Variants in EXTL3 observed in about 807,000 individuals in gnomAD.
EXTL3 encodes exostosin like glycosyltransferase 3.
EXTL3 carries 27 observed loss-of-function variants against 69.3 expected under a neutral mutation model. The observed-to-expected ratio is 0.39, with a 90% CI of 0.29 to 0.54. The LOEUF (loss-of-function observed/expected upper bound fraction) is 0.54, where lower values mean the gene tolerates loss of function less well. Ranked by LOEUF, EXTL3 falls within the 20% of genes least tolerant of loss-of-function variation. The probability of loss-of-function intolerance (pLI) is 0.69; values close to 1 mark genes in which losing one functional copy is unlikely to be tolerated. For missense variants in EXTL3, 1,003 were observed against 1,231.8 expected (o/e 0.81, Z 2.78); for synonymous variants, 511 against 499.4 (o/e 1.02, Z -0.31).
intron 1 of EXTL3, among the ~76,000 whole-genome samples, chr8:28,710,968 A>G (rs1373229997): frequency 6.6e-6 from 1 of 152,120 alleles, no homozygotes; most frequent in Non-Finnish European, 1.5e-5. Flanking sequence ...TTTTCTTTAA[A>G]TGTTCAGTAG....
At chr8:28,649,674 T>C (rs962709592) in intron 1 of EXTL3, among the ~76,000 whole-genome samples, 4 of 152,230 alleles carry the variant, frequency 2.6e-5, no homozygotes, top group African/African-American at 9.6e-5. Flanking sequence ...CTTGTTTGTT[T>C]CCTTACTTTG....
chr8:28,638,435 C>T (rs1194233743), intron 1 of EXTL3, among the ~76,000 whole-genome samples: 1 of 152,194 alleles, frequency 6.6e-6, no homozygotes, highest in Non-Finnish European at 1.5e-5. Flanking sequence ...GTAAGGTCGT[C>T]ATGCTCAGCC....
intron 1 of EXTL3, among the ~76,000 whole-genome samples, chr8:28,642,553 G>A (rs535630302): frequency 6.6e-6 from 1 of 152,182 alleles, no homozygotes; most frequent in Admixed American, 6.6e-5. Flanking sequence ...AGGAGTTCGA[G>A]GCTGCAGTGA....
chr8:28,655,378 C>G (rs1806991781), intron 1 of EXTL3, among the ~76,000 whole-genome samples: 1 of 152,142 alleles, frequency 6.6e-6, no homozygotes, highest in Admixed American at 6.5e-5. Context: ...CCATGGTCAT[C>G]CATAGAGTAA....
intron 5 of EXTL3, chr8:28,741,413 A>G (rs1300020947): frequency 6.6e-6 from 1 of 152,172 alleles, no homozygotes; most frequent in African/African-American, 2.4e-5. Context: ...ATAAATTTGA[A>G]TTACCTTTTT....
At chr8:28,702,483 G>A (rs534316132) in intron 1 of EXTL3, among the ~76,000 whole-genome samples, 24 of 152,328 alleles carry the variant, frequency 1.6e-4, no homozygotes, top group South Asian at 6.2e-4. Flanking sequence ...CACATTGAGC[G>A]AGAGCTTCGG....
At chr8:28,641,314 C>CA (rs1491106719) in intron 1 of EXTL3, among the ~76,000 whole-genome samples, 9 of 152,254 alleles carry the variant, frequency 5.9e-5, no homozygotes, top group African/African-American at 1.7e-4. Context: ...TTACAGGACT[C>CA]ACTGTTAACT....
intron 1 of EXTL3, among the ~76,000 whole-genome samples, chr8:28,638,208 A>G (rs1224031105): frequency 6.6e-6 from 1 of 152,132 alleles, no homozygotes; most frequent in Non-Finnish European, 1.5e-5. Context: ...ACCCAAACTC[A>G]TGGTTTTGTT....
intron 1 of EXTL3, among the ~76,000 whole-genome samples, chr8:28,679,530 G>A (rs1807444849): frequency 6.6e-6 from 1 of 152,038 alleles, no homozygotes; most frequent in Non-Finnish European, 1.5e-5. Flanking sequence ...TTGAGGGCAG[G>A]CATTCAAGAG....
rs1807524884 is a variant in EXTL3, at chr8:28,683,456, C to T, written c.-52-30001C>T. Among the ~76,000 whole-genome samples, 3 of 152,122 alleles carry T rather than the reference C, an allele frequency of 2.0e-5. No homozygotes were observed. The East Asian group carries it at 5.8e-4, about 29-fold the overall frequency. ...TTGGGGGGATATCTGTCACCTCAAA[C>T]ATTTATCCTTTATGTTTCAAACAAT... On this transcript the variant is annotated intron_variant, in intron 1 of 6. Coordinates refer to the EXTL3 transcript ENST00000523149.
rs375321534 is a variant in EXTL3, at chr8:28,744,610, C to T, written c.2550+1396C>T. ...GAGCTCAAGACCATCCTGGCTAACA[C>T]GGTGAAACCTTGTCTCTACTAAAAA... On this transcript the variant is annotated intron_variant, in intron 6 of 6. Coordinates refer to ENST00000220562, the MANE Select transcript of EXTL3 (RefSeq NM_001440.4). Among the ~76,000 whole-genome samples, 7 of 152,244 alleles carry T rather than the reference C, an allele frequency of 4.6e-5. No homozygotes were observed. The South Asian group carries it at 6.2e-4, about 14-fold the overall frequency.
intron 1 of EXTL3, among the ~76,000 whole-genome samples, chr8:28,645,514 T>C (rs1489941314): frequency 6.6e-6 from 1 of 152,206 alleles, no homozygotes; most frequent in Non-Finnish European, 1.5e-5. Flanking sequence ...CATCCTATTT[T>C]TGTAAAAGAC....
rs147122116 is a variant in EXTL3, at chr8:28,609,811, G to T, written n.314+2053G>T. Among the ~76,000 whole-genome samples the T allele has an allele frequency of 1.4e-3, 215 of 151,448 alleles. 4 individuals carry two copies. Among genetic ancestry groups the T allele is most frequent in the African/African-American group, 4.7e-3 (195 of 41,232 alleles). On this transcript the variant is annotated intron_variant and non_coding_transcript_variant, in intron 2 of 4. Transcript: ENST00000522725. ...AGGTTGAGGTGGGAGGTTCGCTTGA[G>T]CCCAGGAGATTGAGGCTGCAGTGAG...
intron 1 of EXTL3, among the ~76,000 whole-genome samples, chr8:28,643,490 C>T (rs542046515): frequency 2.6e-4 from 39 of 148,592 alleles, no homozygotes; most frequent in Admixed American, 6.8e-4. Context: ...TCTTGGCTCA[C>T]TGCAAGCTCT....
In EXTL3 at chr8:28,751,423, T is replaced by G. The variant is rs1003299835; in HGVS notation, c.*557T>G. On this transcript the variant is annotated 3_prime_UTR_variant, in exon 7 of 7. Transcript: ENST00000220562. Reference sequence around the variant, plus strand: ...CACTGGCTTATCCTTAAAGATCATCTCCCATCCTCCCCAGCGCCATCTGTG... The same window carrying G: ...CACTGGCTTATCCTTAAAGATCATCGCCCATCCTCCCCAGCGCCATCTGTG... 6.4e-6 allele frequency: 1 copy of G among 155,854 alleles called. No homozygotes were observed. Among genetic ancestry groups the G allele is most frequent in the African/African-American group, 2.4e-5 (1 of 41,422 alleles). The allele number at this position is 155,854 out of a possible 1,614,324, so 9.7% of individuals were successfully genotyped here.
At chr8:28,746,276 T>C (rs577870379) in intron 6 of EXTL3, among the ~76,000 whole-genome samples, 2 of 152,324 alleles carry the variant, frequency 1.3e-5, no homozygotes, top group African/African-American at 4.8e-5. Context: ...ATTATTTCTT[T>C]GAATAATGTA....
rs1300326318 is a variant in EXTL3, at chr8:28,739,340, A to AT, written c.2421+1683dup. The stretch of plus-strand genomic sequence containing the variant: ...ATTCATTTTTATAGGGACTTTTTTA[A>AT]TTTTTTAAGACAGGGTCTCACTGTC... On this transcript the variant is annotated intron_variant, in intron 5 of 6. Coordinates refer to ENST00000220562, the MANE Select transcript of EXTL3 (RefSeq NM_001440.4). 2.6e-5 allele frequency among the ~76,000 whole-genome samples: 4 copies of AT among 152,054 alleles called. No individual in the cohort carries two copies. In the South Asian group the frequency reaches 6.2e-4, roughly 24 times the overall value.
intron 4 of EXTL3, among the ~76,000 whole-genome samples, chr8:28,733,787 A>G (rs1468340210): frequency 6.7e-6 from 1 of 149,518 alleles, no homozygotes; most frequent in Non-Finnish European, 1.5e-5. Context: ...GGCTTTTCAC[A>G]TTCTTTGCCC....
chr8:28,726,882 T>TTC (rs1554486072), intron 3 of EXTL3, among the ~76,000 whole-genome samples: 3 of 124,542 alleles, frequency 2.4e-5, no homozygotes, highest in Non-Finnish European at 3.4e-5. Context: ...TTCTTTTCTT[T>TTC]TTTTTTTTTT....
Sources: allele counts gnomAD v4.1 joint callset (sites outside exome capture counted in the v4.1 genomes callset), GRCh38; gene constraint gnomAD v4.1.1; transcripts MANE v1.5; gene names NCBI Gene and HGNC (gene_info 2026-07-23, HGNC 2026-07-21).